Variants in SLCO2B1 observed in about 807,000 individuals in gnomAD.
SLCO2B1 encodes the protein OATP-RP2.
A neutral mutation model predicts 67.3 loss-of-function variants in SLCO2B1; 41 were observed. The observed-to-expected ratio is 0.61, with a 90% CI of 0.47 to 0.79. The LOEUF is 0.79. SLCO2B1 is among the 30% of genes least tolerant of loss of function. SLCO2B1 has a pLI of 0.00. For missense variants in SLCO2B1, 837 were observed against 920.1 expected, an observed-to-expected ratio of 0.91 and a Z score of 1.17; for synonymous variants, 379 against 381.4, an observed-to-expected ratio of 0.99 and a Z score of 0.07.
At position 75,206,205 on chromosome 11, in the gene SLCO2B1, A is replaced by T. The variant is rs1945274451; in HGVS notation, c.*1625A>T. 1 of 152,186 alleles carries T rather than the reference A, an allele frequency of 6.6e-6. No homozygotes were observed. The highest frequency in any genetic ancestry group is 2.4e-5 in the African/African-American group (1 of 41,436). 9.4% of individuals were successfully genotyped at this position (152,186 alleles called of 1,614,324 possible). ...TGTTTCCCAGGTTTTGCAGGGAAAA[A>T]AAGTCTGGAATTATAGATACAGCTT... On this transcript the variant is annotated 3_prime_UTR_variant, in exon 14 of 14. Coordinates refer to ENST00000289575, the MANE Select transcript of SLCO2B1 (RefSeq NM_007256.5).
At position 75,151,185 on chromosome 11, in the gene SLCO2B1, T is replaced by C; in HGVS notation, c.-197T>C. On this transcript the variant is annotated 5_prime_UTR_variant, in exon 1 of 14. Coordinates refer to ENST00000289575, the MANE Select transcript of SLCO2B1 (RefSeq NM_007256.5). Reference sequence around the variant, plus strand: ...TTTGAGCAAGACTCCCTAACCTGTGTCTGGACAAGTCTGATGTCCTGTGTG... The same window carrying C: ...TTTGAGCAAGACTCCCTAACCTGTGCCTGGACAAGTCTGATGTCCTGTGTG... 1.7e-6 allele frequency: 1 copy of C among 585,144 alleles called. No homozygotes were observed. Among genetic ancestry groups the C allele is most frequent in the Non-Finnish European group, 3.0e-6 (1 of 328,420 alleles). The allele number at this position is 585,144 out of a possible 1,614,324, so 36.2% of individuals were successfully genotyped here.
In SLCO2B1 at chr11:75,172,642, C is replaced by T. The variant is rs151312584; in HGVS notation, c.972+73C>T. On this transcript the variant is annotated intron_variant, in intron 7 of 13. Coordinates refer to ENST00000289575, the MANE Select transcript of SLCO2B1 (RefSeq NM_007256.5). Reference sequence around the variant, plus strand: ...CCACTTGTTCTCCTTTGTAACATTACACTTCGGCTGGGCGTGGTGGCTCAC... The same window carrying T: ...CCACTTGTTCTCCTTTGTAACATTATACTTCGGCTGGGCGTGGTGGCTCAC... 489 of 1,390,900 alleles carry T rather than the reference C, an allele frequency of 3.5e-4. 4 individuals carry two copies. The African/African-American group carries it at 6.0e-3, about 17-fold the overall frequency. The allele number at this position is 1,390,900 out of a possible 1,614,324, so 86.2% of individuals were successfully genotyped here.
chr11:75,190,041 G>A (rs1016983546), intron 8 of SLCO2B1, among the ~76,000 whole-genome samples: 14 of 152,040 alleles, frequency 9.2e-5, no homozygotes, highest in African/African-American at 3.4e-4. Context: ...CAGGGAAAGA[G>A]AGGGCTTGGA....
At chr11:75,175,567 T>A (rs59809225) in intron 7 of SLCO2B1, among the ~76,000 whole-genome samples, 3,167 of 152,118 alleles carry the variant, frequency 0.021, 124 homozygotes, top group African/African-American at 0.072. Context: ...GATTGGCAGT[T>A]TGTAATACAA....
At chr11:75,199,988 C>G (rs1052209886) in intron 10 of SLCO2B1, 10 of 520,008 alleles carry the variant, frequency 1.9e-5, no homozygotes, top group Middle Eastern at 9.7e-4. Flanking sequence ...CTCTGCTTCC[C>G]TCTCCCTGCC....
intron 7 of SLCO2B1, among the ~76,000 whole-genome samples, chr11:75,175,563 C>T (rs1442408145): frequency 6.6e-6 from 1 of 152,052 alleles, no homozygotes; most frequent in East Asian, 1.9e-4. Context: ...GGGAGATTGG[C>T]AGTTTGTAAT....
chr11:75,153,948 CAG>C (rs1439378125), intron 1 of SLCO2B1, among the ~76,000 whole-genome samples: 2 of 129,820 alleles, frequency 1.5e-5, no homozygotes, highest in East Asian at 2.3e-4. Flanking sequence ...TTTTTTGAGA[CAG>C]AGTCTTACCC....
At chr11:75,165,229 T>C (rs1299348069) in intron 3 of SLCO2B1, among the ~76,000 whole-genome samples, 2 of 152,036 alleles carry the variant, frequency 1.3e-5, no homozygotes, top group Admixed American at 1.3e-4. Flanking sequence ...GTCAGGAGTT[T>C]GAGACCTGCC....
intron 6 of SLCO2B1, 67 bp from the exon 7 acceptor site, chr11:75,172,312 A>C (rs112749847): frequency 6.8e-7 from 1 of 1,460,598 alleles, no homozygotes; most frequent in East Asian, 2.3e-5. Context: ...GGCCAGTCCC[A>C]GGATGGCGGC....
chr11:75,198,839 G>A (rs1321308107), intron 10 of SLCO2B1, among the ~76,000 whole-genome samples: 1 of 152,192 alleles, frequency 6.6e-6, no homozygotes, highest in African/African-American at 2.4e-5. Flanking sequence ...GGGCAGGTGG[G>A]CGCCTGAACA....
At chr11:75,171,919 G>A (rs1451722026) in intron 6 of SLCO2B1, among the ~76,000 whole-genome samples, 1 of 152,162 alleles carries the variant, frequency 6.6e-6, no homozygotes, top group Non-Finnish European at 1.5e-5. Flanking sequence ...ATAGTAATGA[G>A]AAGGAGGAAG....
intron 4 of SLCO2B1, 123 bp downstream of exon 4, chr11:75,166,072 C>T: frequency 1.7e-6 from 2 of 1,193,830 alleles, no homozygotes; most frequent in Non-Finnish European, 2.3e-6. Context: ...CCCAGGACAG[C>T]TGCTAGTCCC....
At position 75,169,693 on chromosome 11, in the gene SLCO2B1, G is replaced by A. The variant is rs1352533205; in HGVS notation, c.710G>A (p.Gly237Glu). The A allele has an allele frequency of 6.2e-7, 1 of 1,613,832 alleles. No homozygotes were observed. Among genetic ancestry groups the A allele is most frequent in the Non-Finnish European group, 8.5e-7 (1 of 1,179,842 alleles). ...ATCCTGTTTGCAGTGACCATGATGG[G>A]GCCAGGCCTGGCCTTTGGGCTGGGC... ...LGILFAVTMMGPGLAFGLGSL... is the reference protein window; with the variant it reads ...LGILFAVTMMEPGLAFGLGSL... The change falls in exon 6 of 14, where the codon GGG becomes GAG. Residue 237 changes from glycine to glutamate, a missense_variant. Transcript: ENST00000289575.
In SLCO2B1 at chr11:75,204,275, C is replaced by A. The variant is rs547188710; in HGVS notation, c.1950-125C>A. ...CCTCTCCCCCTCCTCCAGGGAAGAG[C>A]CACAGCAGAGGTCAATGTCTCCCTG... On this transcript the variant is annotated intron_variant, in intron 13 of 13. Transcript: ENST00000289575. 5.0e-5 allele frequency: 50 copies of A among 1,007,470 alleles called. No individual in the cohort carries two copies. In the African/African-American group the frequency reaches 7.3e-4, roughly 15 times the overall value. 62.4% of individuals were successfully genotyped at this position (1,007,470 alleles called of 1,614,324 possible). A position where few individuals can be genotyped will look rare whatever the true frequency, so the allele number is the denominator to read the frequency against.
chr11:75,159,598 G>A (rs116404976), intron 1 of SLCO2B1, among the ~76,000 whole-genome samples: 30 of 152,316 alleles, frequency 2.0e-4, no homozygotes, highest in African/African-American at 6.7e-4. Context: ...CTGTCAGCGC[G>A]TCAGCAGAGA....
chr11:75,198,491 C>T (rs561650276), intron 10 of SLCO2B1, among the ~76,000 whole-genome samples: 18 of 152,322 alleles, frequency 1.2e-4, no homozygotes, highest in African/African-American at 2.6e-4. Flanking sequence ...ATTTCTATTA[C>T]GCCCATTGTA....
intron 1 of SLCO2B1, among the ~76,000 whole-genome samples, chr11:75,160,103 T>C (rs1949798815): frequency 6.6e-6 from 1 of 152,202 alleles, no homozygotes. Flanking sequence ...TTCCTTGGGT[T>C]TCCTTCAGAG....
At chr11:75,166,035 G>T in intron 4 of SLCO2B1, 86 bp downstream of exon 4, 1 of 1,469,772 alleles carries the variant, frequency 6.8e-7, no homozygotes, top group South Asian at 1.3e-5. Context: ...CATTCATCTG[G>T]CAGGATACAC....
intron 7 of SLCO2B1, 82 bp from the exon 8 acceptor site, chr11:75,188,054 C>T (rs1944963895): frequency 1.1e-6 from 1 of 877,464 alleles, no homozygotes; most frequent in East Asian, 2.6e-5. Flanking sequence ...CTCTCCAAGA[C>T]CTCTCCTCCC....
Sources: gnomAD v4.1 joint callset for allele counts (sites outside exome capture counted in the v4.1 genomes callset) on GRCh38, gnomAD v4.1.1 for gene constraint, MANE v1.5 for transcripts, NCBI Gene and HGNC (gene_info 2026-07-23, HGNC 2026-07-21) for gene names.